POU2F3: variants seen among roughly 807,000 people sequenced by gnomAD.
POU2F3 encodes POU class 2 homeobox 3.
A neutral mutation model predicts 59.2 loss-of-function variants in POU2F3; 23 were observed. That is an observed-to-expected ratio of 0.39 (90% confidence interval 0.28 to 0.55). The LOEUF (loss-of-function observed/expected upper bound fraction) is 0.55. POU2F3 is among the 20% of genes least tolerant of loss of function. POU2F3 has a pLI of 0.66. For synonymous variants in POU2F3, 190 were observed against 214.6 expected (o/e 0.89, Z 1.00); for missense variants, 473 against 544.5 (o/e 0.87, Z 1.31).
chr11:120,238,164 TG>T (rs1938546558), upstream of POU2F3, among the ~76,000 whole-genome samples: 1 of 152,038 alleles, frequency 6.6e-6, no homozygotes, highest in Non-Finnish European at 1.5e-5. Flanking sequence ...CGCTTGAACC[TG>T]GGAGGCGGAG....
chr11:120,251,817 CAG>C (rs1170940737), intron 2 of POU2F3, among the ~76,000 whole-genome samples: 1 of 103,412 alleles, frequency 9.7e-6, no homozygotes, highest in African/African-American at 3.9e-5. Context: ...TTTTTTTTGA[CAG>C]AGTCTTGCTC....
intron 10 of POU2F3, among the ~76,000 whole-genome samples, chr11:120,313,177 G>A (rs1184716926): frequency 6.6e-6 from 1 of 152,196 alleles, no homozygotes; most frequent in Non-Finnish European, 1.5e-5. Flanking sequence ...CAGATGGGAA[G>A]TAGTAGATTC....
chr11:120,298,174 C>T, intron 3 of POU2F3, 91 bp from the exon 4 acceptor site: 4 of 1,464,222 alleles, frequency 2.7e-6, no homozygotes, highest in Non-Finnish European at 3.7e-6. Flanking sequence ...AGGCTGGTCA[C>T]TCCTTTCCTG....
At chr11:120,266,282 C>T (rs1459265765) in intron 2 of POU2F3, among the ~76,000 whole-genome samples, 1 of 152,094 alleles carries the variant, frequency 6.6e-6, no homozygotes, top group Non-Finnish European at 1.5e-5. Flanking sequence ...GTCAGCTGTC[C>T]ATTTAAGTAC....
intron 3 of POU2F3, among the ~76,000 whole-genome samples, chr11:120,273,237 T>C (rs569647481): frequency 1.3e-5 from 2 of 152,308 alleles, no homozygotes; most frequent in South Asian, 4.1e-4. Flanking sequence ...TCTAGGACCA[T>C]CCATTCAACC....
intron 2 of POU2F3, among the ~76,000 whole-genome samples, chr11:120,248,474 A>G (rs1180832867): frequency 6.6e-6 from 1 of 152,210 alleles, no homozygotes; most frequent in Non-Finnish European, 1.5e-5. Flanking sequence ...TGTGATCGTC[A>G]TTAAGATTCT....
In POU2F3 at chr11:120,266,906, A is replaced by G. The variant is rs145321269; in HGVS notation, c.98-2304A>G. On this transcript the variant is annotated intron_variant, in intron 2 of 12. Coordinates refer to ENST00000543440, the MANE Select transcript of POU2F3 (RefSeq NM_014352.4). The stretch of plus-strand genomic sequence containing the variant: ...CCAATATTGTATCCCCAGTGCCTGG[A>G]ACAGCACCTTGCACATAGACTGTGC... Among the ~76,000 whole-genome samples, 582 of 152,370 alleles carry G rather than the reference A, an allele frequency of 3.8e-3. 3 individuals carry two copies. The highest frequency in any genetic ancestry group is 0.013 in the African/African-American group (553 of 41,592).
In POU2F3 at chr11:120,246,445, G is replaced by A; in HGVS notation, c.29-4G>A. On this transcript the variant is annotated splice_polypyrimidine_tract_variant and splice_region_variant and intron_variant, in intron 1 of 12. Coordinates refer to ENST00000543440, the MANE Select transcript of POU2F3 (RefSeq NM_014352.4). ...TATTAAAATCAGTTGTGTTTTCCCT[G>A]CAGATATCAAGATGAGTGGGGATGT... is the stretch of plus-strand genomic sequence containing the variant. The A allele has an allele frequency of 1.2e-6, 2 of 1,613,906 alleles. No individual in the cohort carries two copies. The highest frequency in any genetic ancestry group is 1.7e-6 in the Non-Finnish European group (2 of 1,179,952).
chr11:120,309,963 G>A (rs142142982), intron 10 of POU2F3, among the ~76,000 whole-genome samples: 2 of 152,336 alleles, frequency 1.3e-5, no homozygotes, highest in African/African-American at 4.8e-5. Context: ...AAGGGGACCA[G>A]AAGTAGGAGA....
At chr11:120,271,113 T>G (rs774757086) in intron 3 of POU2F3, among the ~76,000 whole-genome samples, 32 of 152,176 alleles carry the variant, frequency 2.1e-4, no homozygotes, top group Non-Finnish European at 7.4e-5. Context: ...ATTCTGCAGT[T>G]TTATTCATCA....
At chr11:120,251,314 G>A (rs919400346) in intron 2 of POU2F3, among the ~76,000 whole-genome samples, 8 of 152,180 alleles carry the variant, frequency 5.3e-5, no homozygotes, top group African/African-American at 1.9e-4. Context: ...GAGCCTGTGC[G>A]TGCGCACACA....
intron 3 of POU2F3, among the ~76,000 whole-genome samples, chr11:120,287,386 C>T (rs1355640939): frequency 1.3e-5 from 2 of 152,104 alleles, no homozygotes; most frequent in Non-Finnish European, 2.9e-5. Context: ...GCTGGGCAGG[C>T]CATAGTAAGC....
intron 2 of POU2F3, among the ~76,000 whole-genome samples, chr11:120,264,446 T>G (rs191304141): frequency 4.5e-4 from 69 of 152,316 alleles, no homozygotes; most frequent in African/African-American, 1.5e-3. Context: ...TGGATAAGCT[T>G]CTTGGAGAAT....
chr11:120,318,010 C>A (rs187658261), intron 12 of POU2F3, among the ~76,000 whole-genome samples: 1 of 152,302 alleles, frequency 6.6e-6, no homozygotes, highest in East Asian at 1.9e-4. Flanking sequence ...TTCAGCAAGG[C>A]AGCCAGTTCT....
At chr11:120,283,277 A>C (rs1164458502) in intron 3 of POU2F3, among the ~76,000 whole-genome samples, 1 of 152,044 alleles carries the variant, frequency 6.6e-6, no homozygotes, top group Non-Finnish European at 1.5e-5. Flanking sequence ...TATTTAGGGC[A>C]CTCCCCAGAC....
At chr11:120,238,143 G>C (rs1259335642), upstream of POU2F3, among the ~76,000 whole-genome samples, 1 of 152,204 alleles carries the variant, frequency 6.6e-6, no homozygotes, top group South Asian at 2.1e-4. Flanking sequence ...GGGAGGCTGA[G>C]GCAGGAGAAT....
chr11:120,247,369 A>T (rs1452293205), intron 2 of POU2F3, among the ~76,000 whole-genome samples: 1 of 152,240 alleles, frequency 6.6e-6, no homozygotes, highest in African/African-American at 2.4e-5. Flanking sequence ...CTTGTAGAGC[A>T]GTGTAGTTCC....
At chr11:120,283,319 G>A (rs1489177253) in intron 3 of POU2F3, among the ~76,000 whole-genome samples, 1 of 152,150 alleles carries the variant, frequency 6.6e-6, no homozygotes, top group Non-Finnish European at 1.5e-5. Flanking sequence ...CACGTGACCT[G>A]GGAGAGACAG....
chr11:120,280,901 G>T (rs1169496570), intron 3 of POU2F3, among the ~76,000 whole-genome samples: 1 of 152,108 alleles, frequency 6.6e-6, no homozygotes, highest in African/African-American at 2.4e-5. Flanking sequence ...CTGGCCCTTC[G>T]AGAAGCCGCC....
Sources: allele counts gnomAD v4.1 joint callset (sites outside exome capture counted in the v4.1 genomes callset), GRCh38; gene constraint gnomAD v4.1.1; transcripts MANE v1.5; gene names NCBI Gene and HGNC (gene_info 2026-07-23, HGNC 2026-07-21).